Variants in C1GALT1 observed in about 807,000 individuals in gnomAD.
C1GALT1 encodes the protein core 1 synthase, glycoprotein-N-acetylgalactosamine 3-beta-galactosyltransferase 1, also known as glycoprotein-N-acetylgalactosamine 3-beta-galactosyltransferase 1.
A neutral mutation model predicts 31.0 loss-of-function variants in C1GALT1; 11 were observed. The ratio of observed to expected loss-of-function variants is 0.36; its 90% CI spans 0.22 to 0.59. The LOEUF (loss-of-function observed/expected upper bound fraction) is 0.59. Ranked by LOEUF, C1GALT1 falls within the 20% of genes least tolerant of loss-of-function variation. The probability of loss-of-function intolerance (pLI) is 0.79; values close to 1 mark genes in which losing one functional copy is unlikely to be tolerated. For missense variants in C1GALT1, 424 were observed against 425.2 expected (o/e 1.00, Z 0.03); for synonymous variants, 175 against 143.6 (o/e 1.22, Z -1.56).
At chr7:7,204,800 C>T (rs1470555643) in intron 1 of C1GALT1, among the ~76,000 whole-genome samples, 1 of 152,084 alleles carries the variant, frequency 6.6e-6, no homozygotes, top group Admixed American at 6.5e-5. Flanking sequence ...TGATTCTTCG[C>T]CCCATTGGTT....
At chr7:7,178,090 T>A (rs1780524387), upstream of C1GALT1, 8 of 214,312 alleles carry the variant, frequency 3.7e-5, no homozygotes, top group South Asian at 1.6e-4. Context: ...TTGACTTTTT[T>A]AGGAAATGAT....
At chr7:7,213,928 A>C (rs1327099572) in intron 1 of C1GALT1, among the ~76,000 whole-genome samples, 1 of 152,200 alleles carries the variant, frequency 6.6e-6, no homozygotes, top group Admixed American at 6.5e-5. Flanking sequence ...CATGCATTTC[A>C]TTGCAAGGCA....
intron 2 of C1GALT1, among the ~76,000 whole-genome samples, chr7:7,175,223 G>A (rs1422863164): frequency 6.6e-6 from 1 of 152,200 alleles, no homozygotes; most frequent in Non-Finnish European, 1.5e-5. Context: ...ATATGGTCAT[G>A]GAAGACTCTG....
chr7:7,209,969 G>T (rs957909741), intron 1 of C1GALT1, among the ~76,000 whole-genome samples: 2 of 152,134 alleles, frequency 1.3e-5, no homozygotes, highest in Non-Finnish European at 2.9e-5. Flanking sequence ...GGTGCTCAGT[G>T]GGGGAGCTTT....
At chr7:7,237,808 C>G (rs958118010) in intron 2 of C1GALT1, among the ~76,000 whole-genome samples, 10 of 152,124 alleles carry the variant, frequency 6.6e-5, no homozygotes, top group African/African-American at 2.2e-4. Flanking sequence ...AAATTTCTGT[C>G]AGTAATCTAT....
chr7:7,241,299 T>G lies in C1GALT1; in HGVS notation c.889-2225T>G, dbSNP rs75376520. Reference sequence around the variant, plus strand: ...TTTTTAACTCATTACTGATTTAAAATGTCCCCCTTATCATACACTGTAACC... The same window carrying G: ...TTTTTAACTCATTACTGATTTAAAAGGTCCCCCTTATCATACACTGTAACC... On this transcript the variant is annotated intron_variant, in intron 3 of 3. Transcript: ENST00000436587. Among the ~76,000 whole-genome samples the G allele has an allele frequency of 4.7e-3, 716 of 152,152 alleles. 40 individuals are homozygous for G. The East Asian group carries it at 0.13, about 27-fold the overall frequency.
chr7:7,216,409 C>T (rs1782242042), intron 1 of C1GALT1, among the ~76,000 whole-genome samples: 1 of 152,134 alleles, frequency 6.6e-6, no homozygotes. Context: ...GGGCTAACCA[C>T]ATCTACCCAA....
chr7:7,203,500 GA>G (rs1294244295), intron 1 of C1GALT1, among the ~76,000 whole-genome samples: 1 of 151,944 alleles, frequency 6.6e-6, no homozygotes. Context: ...GTATTGCCTT[GA>G]TTGATTTCCA....
chr7:7,201,852 C>T (rs1165769334), intron 1 of C1GALT1, among the ~76,000 whole-genome samples: 3 of 152,218 alleles, frequency 2.0e-5, no homozygotes, highest in Non-Finnish European at 4.4e-5. Context: ...CCTCCTCCCC[C>T]GATTCTGTCC....
intron 2 of C1GALT1, among the ~76,000 whole-genome samples, chr7:7,162,286 C>A (rs1258459911): frequency 1.7e-5 from 2 of 115,136 alleles, no homozygotes; most frequent in Admixed American, 1.1e-4. Context: ...CCACAACAGT[C>A]CCCAGAGTGT....
rs547569532 is a variant in C1GALT1, at chr7:7,183,415, A to C, written c.-18+595A>C. 4.7e-4 allele frequency among the ~76,000 whole-genome samples: 72 copies of C among 152,058 alleles called. No homozygotes were observed. In the South Asian group the frequency reaches 4.8e-3, roughly 10 times the overall value. ...CATCAGGTTTGTCTGTAGCTGATTT[A>C]TTTCTTTAAGTTTCCCTGCCGCAGA... On this transcript the variant is annotated intron_variant, in intron 1 of 3. Coordinates refer to ENST00000436587, the MANE Select transcript of C1GALT1 (RefSeq NM_020156.5).
intron 1 of C1GALT1, among the ~76,000 whole-genome samples, chr7:7,215,756 C>T (rs1782207658): frequency 6.6e-6 from 1 of 152,054 alleles, no homozygotes; most frequent in Non-Finnish European, 1.5e-5. Flanking sequence ...GCTTGCAGAG[C>T]TGCCTGTTTT....
At chr7:7,194,364 C>A (rs1391250015) in intron 1 of C1GALT1, among the ~76,000 whole-genome samples, 4 of 151,972 alleles carry the variant, frequency 2.6e-5, no homozygotes, top group Non-Finnish European at 5.9e-5. Flanking sequence ...GCCAATTTTG[C>A]TGAGTGTTTT....
At chr7:7,234,820 G>T (rs1783258879) in intron 2 of C1GALT1, 1 of 236,668 alleles carries the variant, frequency 4.2e-6, no homozygotes, top group Middle Eastern at 1.4e-3. Flanking sequence ...GTTTTTCTAG[G>T]TTCAGTTTTG....
chr7:7,184,463 A>C (rs899410274), intron 1 of C1GALT1, among the ~76,000 whole-genome samples: 1 of 152,342 alleles, frequency 6.6e-6, no homozygotes, highest in African/African-American at 2.4e-5. Flanking sequence ...AGTAAATTCA[A>C]TATCCAGTTA....
At chr7:7,242,477 C>A (rs1314211323) in intron 3 of C1GALT1, among the ~76,000 whole-genome samples, 2 of 151,986 alleles carry the variant, frequency 1.3e-5, no homozygotes, top group African/African-American at 4.8e-5. Context: ...TACATACTTC[C>A]AAACATAAAT....
chr7:7,203,402 C>G (rs971481), intron 1 of C1GALT1, among the ~76,000 whole-genome samples: 107,089 of 151,932 alleles, frequency 0.7, 38,567 homozygotes, highest in East Asian at 0.94. Flanking sequence ...ATCATGAAAG[C>G]ATATTGAATT....
chr7:7,191,772 C>A (rs1268782234), intron 1 of C1GALT1, among the ~76,000 whole-genome samples: 4 of 152,012 alleles, frequency 2.6e-5, no homozygotes, highest in African/African-American at 9.6e-5. Context: ...ATTTGTGTAT[C>A]TTAGGAGAAA....
Position 7,238,273 on chromosome 7 carries a change from C to A in C1GALT1, c.239C>A (p.Ala80Asp). ...SQHKDENTDI[A>D]ENLYQKVRIL... ...TTAATAGATGAGAACACAGACATTG[C>A]TGAAAACCTCTATCAGAAAGTTAGA... Residue 80 changes from alanine to aspartate, a missense_variant, in exon 3 of 4, where the codon GCT becomes GAT. Coordinates refer to ENST00000436587, the MANE Select transcript of C1GALT1 (RefSeq NM_020156.5). This position sits in a 1 kb window ranked among gnomAD's most constrained non-coding sequence, Gnocchi z 5.2. The A allele has an allele frequency of 6.2e-7, 1 of 1,603,370 alleles. No individual in the cohort carries two copies. The highest frequency in any genetic ancestry group is 2.2e-5 in the East Asian group (1 of 44,840).
Sources: gnomAD v4.1 joint callset for allele counts (sites outside exome capture counted in the v4.1 genomes callset) on GRCh38, gnomAD v4.1.1 for gene constraint, Gnocchi (gnomAD v3.1) non-coding constraint, MANE v1.5 for transcripts, NCBI Gene and HGNC (gene_info 2026-07-23, HGNC 2026-07-21) for gene names.